The following SETDB2 variants were observed in gnomAD, a reference collection of about 807,000 sequenced individuals.
SETDB2 encodes histone-lysine N-methyltransferase SETDB2.
In SETDB2, 56 loss-of-function variants were observed where a neutral mutation model predicts 82.5. That is an observed-to-expected ratio of 0.68 (90% CI 0.55 to 0.85). The LOEUF (loss-of-function observed/expected upper bound fraction) is 0.85. Among genes scored for constraint, SETDB2 ranks in the 40% least tolerant of loss-of-function variants. The pLI, the probability that SETDB2 is intolerant of heterozygous loss-of-function variation, is 0.00. For missense variants in SETDB2, 677 were observed against 816.4 expected, an observed-to-expected ratio of 0.83 and a Z score of 2.08; for synonymous variants, 272 against 284.9, an observed-to-expected ratio of 0.95 and a Z score of 0.46.
chr13:49,468,717 A>T (rs932825073), intron 5 of SETDB2, among the ~76,000 whole-genome samples: 2 of 151,886 alleles, frequency 1.3e-5, no homozygotes, highest in African/African-American at 2.4e-5. Flanking sequence ...TTGTAGATAG[A>T]CACTGTTTCA....
chr13:49,463,340 C>T (rs145545598), intron 4 of SETDB2, among the ~76,000 whole-genome samples: 54 of 152,014 alleles, frequency 3.6e-4, no homozygotes, highest in East Asian at 2.1e-3. Flanking sequence ...ACAAGTGTTG[C>T]GGGAATTAGG....
Position 49,488,512 on chromosome 13 carries a change from A to G in SETDB2, c.1799A>G (p.Asp600Gly). 1 of 1,614,128 alleles carries G rather than the reference A, an allele frequency of 6.2e-7. No homozygotes were observed. The highest frequency in any genetic ancestry group is 8.5e-7 in the Non-Finnish European group (1 of 1,179,994). ...TGTCAAAGACAGCAGGTATTTTGTG[A>G]TGAAGAGTTGCTAAGTGAAACCAAG... ...TACQRQQVFC[D>G]EELLSETKNT... is the part of the protein sequence containing the mutation. The change falls in exon 12 of 14, where the codon GAT becomes GGT. Residue 600 changes from aspartate to glycine, a missense_variant. Asp to Gly is a moderately conservative substitution (Grantham distance 94, BLOSUM62 -1). Coordinates refer to ENST00000611815, the MANE Select transcript of SETDB2 (RefSeq NM_001160308.3).
At chr13:49,474,955 C>A (rs1281244168) in intron 5 of SETDB2, among the ~76,000 whole-genome samples, 1 of 152,224 alleles carries the variant, frequency 6.6e-6, no homozygotes, top group Non-Finnish European at 1.5e-5. Flanking sequence ...CCATTTCTAT[C>A]AATGGAGGAA....
intron 5 of SETDB2, among the ~76,000 whole-genome samples, chr13:49,469,528 A>G (rs1958185197): frequency 6.6e-6 from 1 of 152,196 alleles, no homozygotes; most frequent in Non-Finnish European, 1.5e-5. Context: ...AATATTTAGA[A>G]GCCACACCCT....
intron 12 of SETDB2, among the ~76,000 whole-genome samples, chr13:49,489,647 A>AGTG (rs1338493998): frequency 8.4e-6 from 1 of 118,392 alleles, no homozygotes; most frequent in Non-Finnish European, 1.6e-5. Context: ...ACCAGGCTGG[A>AGTG]GTGCAGTGGT....
chr13:49,462,165 C>T (rs1958007950), intron 4 of SETDB2, among the ~76,000 whole-genome samples: 1 of 152,150 alleles, frequency 6.6e-6, no homozygotes, highest in Non-Finnish European at 1.5e-5. Flanking sequence ...ATGATTCAGT[C>T]ATCAGCCCAT....
In SETDB2 at chr13:49,492,422, G is replaced by A. The variant is rs943918436; in HGVS notation, c.*573G>A. On this transcript the variant is annotated 3_prime_UTR_variant, in exon 14 of 14. Coordinates refer to ENST00000611815, the MANE Select transcript of SETDB2 (RefSeq NM_001160308.3). The stretch of plus-strand genomic sequence containing the variant: ...CTGTCCCATCAACCATTTGAGTGGG[G>A]AGAGGGAGAAGCTCTTCTGTAAGTA... 5.9e-5 allele frequency: 9 copies of A among 152,954 alleles called. No homozygotes were observed. Among genetic ancestry groups the A allele is most frequent in the African/African-American group, 2.2e-4 (9 of 41,474 alleles). The allele number at this position is 152,954 out of a possible 1,614,324, so 9.5% of individuals were successfully genotyped here. A position where few individuals can be genotyped will look rare whatever the true frequency, so the allele number is the denominator to read the frequency against.
At chr13:49,471,350 A>C (rs534715663) in intron 5 of SETDB2, among the ~76,000 whole-genome samples, 19 of 152,254 alleles carry the variant, frequency 1.2e-4, no homozygotes, top group Admixed American at 1.1e-3. Flanking sequence ...ATGTAAAAAC[A>C]AAAGTATTAC....
intron 4 of SETDB2, among the ~76,000 whole-genome samples, chr13:49,465,726 AG>A (rs944765134): frequency 5.7e-4 from 87 of 152,086 alleles, no homozygotes; most frequent in Non-Finnish European, 6.6e-4. Context: ...TAGTGGAGAC[AG>A]GGTTTCACTA....
intron 10 of SETDB2, among the ~76,000 whole-genome samples, chr13:49,484,558 C>T (rs1958555021): frequency 6.6e-6 from 1 of 152,200 alleles, no homozygotes; most frequent in African/African-American, 2.4e-5. Context: ...GCGTGAGCCA[C>T]TGCGCCTGGC....
intron 4 of SETDB2, among the ~76,000 whole-genome samples, chr13:49,466,731 G>A (rs1594149552): frequency 1.3e-5 from 2 of 151,914 alleles, no homozygotes; most frequent in South Asian, 4.2e-4. Context: ...TACAGCCTAC[G>A]GTTCCTGGGC....
chr13:49,484,963 T>TA (rs1199597883), intron 10 of SETDB2, among the ~76,000 whole-genome samples: 2 of 152,196 alleles, frequency 1.3e-5, no homozygotes, highest in Non-Finnish European at 2.9e-5. Flanking sequence ...CTTTTATCTG[T>TA]AAAAAGGTAA....
intron 13 of SETDB2, among the ~76,000 whole-genome samples, chr13:49,491,461 A>G (rs1304343311): frequency 6.6e-6 from 1 of 152,254 alleles, no homozygotes; most frequent in Admixed American, 6.5e-5. Context: ...TCCACACTGC[A>G]GGCCTCAACA....
chr13:49,459,718 T>C (rs1957956310), intron 2 of SETDB2, among the ~76,000 whole-genome samples: 1 of 152,208 alleles, frequency 6.6e-6, no homozygotes, highest in Non-Finnish European at 1.5e-5. Context: ...CATTTAGTTA[T>C]TTCAGCAGCC....
chr13:49,485,587 T>C (rs1466320104), intron 10 of SETDB2, 43 bp from the exon 11 acceptor site: 1 of 1,507,946 alleles, frequency 6.6e-7, no homozygotes, highest in African/African-American at 1.4e-5. Flanking sequence ...TAAATACTTT[T>C]GCCTGACCTG....
chr13:49,483,638 T>C (rs1489990997), intron 10 of SETDB2, 75 bp downstream of exon 10: 3 of 336,358 alleles, frequency 8.9e-6, no homozygotes, highest in East Asian at 1.7e-4. Flanking sequence ...TTTTTTTTTT[T>C]TTTTTTTTGA....
At chr13:49,482,206 TC>T (rs2138967010) in intron 8 of SETDB2, 1 of 985,424 alleles carries the variant, frequency 1.0e-6, no homozygotes, top group South Asian at 4.7e-5. Context: ...GGTAAGAATA[TC>T]CTGCTATTAA....
In SETDB2 at chr13:49,486,641, C is replaced by G. The variant is rs137907884; in HGVS notation, c.1576+918C>G. ...TTTAAAAATAAACACACATCACTTT[C>G]CTGCAATTGCCTAGCCAATACTGCC... On this transcript the variant is annotated intron_variant, in intron 11 of 13. Transcript: ENST00000611815. Among the ~76,000 whole-genome samples the G allele has an allele frequency of 4.1e-3, 632 of 152,338 alleles. 2 individuals are homozygous for G. Among genetic ancestry groups the G allele is most frequent in the Admixed American group, 6.6e-3 (101 of 15,302 alleles).
chr13:49,452,021 A>G, intron 2 of SETDB2, 112 bp downstream of exon 2: 3 of 664,454 alleles, frequency 4.5e-6, no homozygotes, highest in Non-Finnish European at 7.2e-6. Context: ...ACTTTTCTGA[A>G]TTAGAGGGAA....
Sources: gnomAD v4.1 joint callset for allele counts (sites outside exome capture counted in the v4.1 genomes callset) on GRCh38, gnomAD v4.1.1 for gene constraint, MANE v1.5 for transcripts, NCBI Gene and HGNC (gene_info 2026-07-23, HGNC 2026-07-21) for gene names.